RBKS: variants seen among roughly 807,000 people sequenced by gnomAD.
The protein encoded by RBKS is ribokinase.
RBKS carries 33 observed loss-of-function variants against 33.9 expected under a neutral mutation model. The observed-to-expected ratio is 0.97, with a 90% CI of 0.74 to 1.30. RBKS has a LOEUF of 1.30. RBKS is among the 50% of genes most tolerant of loss of function. The pLI, the probability that RBKS is intolerant of heterozygous loss-of-function variation, is 0.00. For synonymous variants in RBKS, 125 were observed against 143.0 expected, an observed-to-expected ratio of 0.87 and a Z score of 0.90; for missense variants, 361 against 392.6, an observed-to-expected ratio of 0.92 and a Z score of 0.68.
chr2:27,857,695 G>A (rs887961687), intron 2 of RBKS, among the ~76,000 whole-genome samples: 8 of 152,294 alleles, frequency 5.3e-5, no homozygotes, highest in East Asian at 1.9e-4. Context: ...ATTGGAGTAC[G>A]CTAATTTCCC....
intron 7 of RBKS, among the ~76,000 whole-genome samples, chr2:27,785,699 T>C (rs1677384302): frequency 6.7e-6 from 1 of 149,282 alleles, no homozygotes; most frequent in African/African-American, 2.5e-5. Flanking sequence ...GAGATGGAGG[T>C]TGCAGTGAGC....
chr2:27,809,202 G>A (rs1449899097), intron 7 of RBKS, among the ~76,000 whole-genome samples: 2 of 152,256 alleles, frequency 1.3e-5, no homozygotes, highest in African/African-American at 2.4e-5. Context: ...CTGTCACCCT[G>A]AGAGTGGGCT....
At chr2:27,850,385 T>C (rs975627674) in intron 2 of RBKS, among the ~76,000 whole-genome samples, 3 of 152,222 alleles carry the variant, frequency 2.0e-5, no homozygotes, top group African/African-American at 7.2e-5. Context: ...GGATATTCTA[T>C]AGGGTTTAAC....
chr2:27,825,171 CTT>C (rs1371818058), intron 7 of RBKS, among the ~76,000 whole-genome samples: 1 of 151,948 alleles, frequency 6.6e-6, no homozygotes, highest in Non-Finnish European at 1.5e-5. Context: ...GATATTATCT[CTT>C]GAGTTCCAAT....
intron 7 of RBKS, among the ~76,000 whole-genome samples, chr2:27,811,604 G>A (rs1383651529): frequency 1.3e-5 from 2 of 152,168 alleles, no homozygotes; most frequent in African/African-American, 4.8e-5. Context: ...GCTTCTCTTT[G>A]TAGCAATGTT....
intron 7 of RBKS, among the ~76,000 whole-genome samples, chr2:27,797,769 G>A (rs1348461670): frequency 6.6e-6 from 1 of 152,158 alleles, no homozygotes; most frequent in Non-Finnish European, 1.5e-5. Context: ...AAGGTTTCAG[G>A]AAAGAATATT....
intron 4 of RBKS, among the ~76,000 whole-genome samples, chr2:27,844,848 T>C (rs1405517685): frequency 6.6e-6 from 1 of 152,186 alleles, no homozygotes; most frequent in Non-Finnish European, 1.5e-5. Context: ...GCATTTTATT[T>C]TTATTGGACA....
intron 7 of RBKS, chr2:27,809,678 G>C: frequency 1.3e-5 from 4 of 308,714 alleles, no homozygotes; most frequent in Non-Finnish European, 2.5e-5. Context: ...CAAAAGACTC[G>C]CTAAAATATT....
chr2:27,861,516 A>G (rs1407154124), intron 1 of RBKS: 8 of 471,080 alleles, frequency 1.7e-5, no homozygotes, highest in Non-Finnish European at 3.5e-5. Flanking sequence ...CTAATTCAAC[A>G]AATGTTCATC....
chr2:27,882,316 A>G (rs1468694232), intron 1 of RBKS, among the ~76,000 whole-genome samples: 1 of 152,258 alleles, frequency 6.6e-6, no homozygotes, highest in Non-Finnish European at 1.5e-5. Context: ...TGCAATAAGC[A>G]TATCAAAAAA....
At chr2:27,817,455 T>C (rs1022532742) in intron 7 of RBKS, among the ~76,000 whole-genome samples, 1 of 152,180 alleles carries the variant, frequency 6.6e-6, no homozygotes, top group African/African-American at 2.4e-5. Context: ...CTGTCTGGAA[T>C]GGGCATGATC....
chr2:27,887,452 A>G (rs1209183584), intron 1 of RBKS, among the ~76,000 whole-genome samples: 1 of 152,240 alleles, frequency 6.6e-6, no homozygotes, highest in African/African-American at 2.4e-5. Flanking sequence ...CAGCAGCAGT[A>G]GATAACTAAT....
chr2:27,865,474 A>G (rs1373905047), intron 1 of RBKS, among the ~76,000 whole-genome samples: 1 of 149,912 alleles, frequency 6.7e-6, no homozygotes, highest in African/African-American at 2.5e-5. Flanking sequence ...ACATTACAAT[A>G]CTCATTTCCT....
intron 7 of RBKS, among the ~76,000 whole-genome samples, chr2:27,803,481 T>G (rs947472425): frequency 1.3e-5 from 2 of 151,516 alleles, no homozygotes; most frequent in Non-Finnish European, 2.9e-5. Context: ...AAGGATCAGT[T>G]GAGGCCAAGA....
chr2:27,783,920 GA>G (rs1336118041), intron 7 of RBKS, among the ~76,000 whole-genome samples: 46 of 28,736 alleles, frequency 1.6e-3, no homozygotes, highest in Admixed American at 3.8e-3. Flanking sequence ...AAAAAAAAAA[GA>G]AAAAAAAAAA....
Position 27,873,771 on chromosome 2 carries a change from C to T in RBKS, c.90-15200G>A, listed in dbSNP as rs140444289. On this transcript the variant is annotated intron_variant, in intron 1 of 7. Transcript: ENST00000302188. Reference sequence around the variant, plus strand: ...ATGATACAGAAGAATTGCATTTGAACGTATTTTTGACCATGAGAGACAAGC... The same window carrying T: ...ATGATACAGAAGAATTGCATTTGAATGTATTTTTGACCATGAGAGACAAGC... Among the ~76,000 whole-genome samples, 724 of 151,928 alleles carry T rather than the reference C, an allele frequency of 4.8e-3. 6 individuals are homozygous for T. Among genetic ancestry groups the T allele is most frequent in the Non-Finnish European group, 8.7e-3 (590 of 67,974 alleles).
intron 1 of RBKS, among the ~76,000 whole-genome samples, chr2:27,885,773 G>A (rs1664514780): frequency 6.6e-6 from 1 of 152,092 alleles, no homozygotes; most frequent in African/African-American, 2.4e-5. Context: ...AACTTCATGA[G>A]GCAGGGATTT....
Position 27,830,570 on chromosome 2 carries a change from C to T in RBKS, c.606+2116G>A, listed in dbSNP as rs1359332856. Among the ~76,000 whole-genome samples the T allele has an allele frequency of 2.0e-5, 3 of 151,516 alleles. No homozygotes were observed. The East Asian group carries it at 5.8e-4, about 29-fold the overall frequency. On this transcript the variant is annotated intron_variant, in intron 6 of 7. Transcript: ENST00000302188. ...TTAGCCACCGCGCCTGGCTCCAGAA[C>T]ATTAAGCTTTTAATGTTTTTCTTTC... is the stretch of plus-strand genomic sequence containing the variant.
chr2:27,865,803 A>G (rs950756550), intron 1 of RBKS, among the ~76,000 whole-genome samples: 16 of 152,202 alleles, frequency 1.1e-4, no homozygotes, highest in Admixed American at 6.5e-4. Context: ...AAACAGTACC[A>G]TACCACTTTA....
Sources: allele counts gnomAD v4.1 joint callset (sites outside exome capture counted in the v4.1 genomes callset), GRCh38; gene constraint gnomAD v4.1.1; transcripts MANE v1.5; gene names NCBI Gene and HGNC (gene_info 2026-07-23, HGNC 2026-07-21).